Variants in OR51B5 observed in about 807,000 individuals in gnomAD.
OR51B5 encodes the protein olfactory receptor 51B5.
For missense variants in OR51B5, 456 were observed against 374.6 expected, an observed-to-expected ratio of 1.22 and a Z score of -1.79; for synonymous variants, 186 against 144.8, an observed-to-expected ratio of 1.28 and a Z score of -2.04.
chr11:5,386,594 A>G (rs1311862002), intron 1 of OR51B5, among the ~76,000 whole-genome samples: 1 of 152,108 alleles, frequency 6.6e-6, no homozygotes, highest in African/African-American at 2.4e-5. Context: ...TGAAGTACTG[A>G]AAACAGTGCA....
At chr11:5,488,413 G>A (rs757715857) in intron 1 of OR51B5, among the ~76,000 whole-genome samples, 4 of 152,104 alleles carry the variant, frequency 2.6e-5, no homozygotes, top group Non-Finnish European at 4.4e-5. Flanking sequence ...AGGATATGGA[G>A]GGAGATAAGT....
chr11:5,393,741 G>C (rs1335962946), intron 1 of OR51B5, among the ~76,000 whole-genome samples: 1 of 152,050 alleles, frequency 6.6e-6, no homozygotes, highest in Non-Finnish European at 1.5e-5. Context: ...CTGTGAAGTA[G>C]GGAGGTATTA....
At chr11:5,351,922 G>A in intron 1 of OR51B5, 1 of 1,613,178 alleles carries the variant, frequency 6.2e-7, no homozygotes, top group Non-Finnish European at 8.5e-7. Context: ...CAACACCCAG[G>A]TAATGAAGAT....
At chr11:5,374,816 A>G (rs554942172) in intron 1 of OR51B5, among the ~76,000 whole-genome samples, 1 of 152,276 alleles carries the variant, frequency 6.6e-6, no homozygotes, top group East Asian at 1.9e-4. Flanking sequence ...AAAGCCTCCA[A>G]GAAATATGGG....
chr11:5,356,156 C>A (rs1849191611), intron 1 of OR51B5, among the ~76,000 whole-genome samples: 2 of 152,138 alleles, frequency 1.3e-5, no homozygotes, highest in Non-Finnish European at 2.9e-5. Flanking sequence ...GAGAAGAAGG[C>A]TTCAGACGAT....
intron 1 of OR51B5, among the ~76,000 whole-genome samples, chr11:5,452,488 G>A (rs967545124): frequency 1.5e-4 from 15 of 103,200 alleles, no homozygotes; most frequent in African/African-American, 1.9e-4. Context: ...CTGGGCAAAA[G>A]AGAGAGACTC....
chr11:5,454,238 A>G (rs1460683646), intron 1 of OR51B5: 4 of 1,614,020 alleles, frequency 2.5e-6, no homozygotes, highest in Non-Finnish European at 3.4e-6. Context: ...CTGTACTTGC[A>G]TTTTATGTGC....
intron 1 of OR51B5, among the ~76,000 whole-genome samples, chr11:5,401,850 C>A (rs1849972724): frequency 1.8e-5 from 1 of 54,480 alleles, no homozygotes; most frequent in Non-Finnish European, 6.7e-5. Context: ...CCCTCTTTTT[C>A]TTCTGCTTTT....
intron 1 of OR51B5, chr11:5,453,956 T>C: frequency 6.2e-7 from 1 of 1,614,154 alleles, no homozygotes; most frequent in South Asian, 1.1e-5. Flanking sequence ...TCATCACCCT[T>C]TTCCCTCTTC....
chr11:5,358,495 T>A (rs1386928111), intron 1 of OR51B5, among the ~76,000 whole-genome samples: 1 of 152,200 alleles, frequency 6.6e-6, no homozygotes, highest in Non-Finnish European at 1.5e-5. Context: ...ATTGAGGCAA[T>A]AATTAATAGC....
chr11:5,453,407 C>T (rs1850887465), intron 1 of OR51B5: 1 of 999,084 alleles, frequency 1.0e-6, no homozygotes, highest in Non-Finnish European at 1.4e-6. Flanking sequence ...CTCCTGATTT[C>T]TTGTCCTCCA....
chr11:5,390,205 G>A (rs960188590), intron 1 of OR51B5: 2 of 1,613,984 alleles, frequency 1.2e-6, no homozygotes, highest in Non-Finnish European at 1.7e-6. Context: ...CCATGATGGG[G>A]CTGTCCCTGG....
At chr11:5,454,061 T>C in intron 1 of OR51B5, 1 of 1,614,188 alleles carries the variant, frequency 6.2e-7, no homozygotes, top group Non-Finnish European at 8.5e-7. Flanking sequence ...CCTGTGCTGA[T>C]ATCAGTATCA....
chr11:5,369,009 G>C (rs1210836282), intron 1 of OR51B5, among the ~76,000 whole-genome samples: 1 of 152,116 alleles, frequency 6.6e-6, no homozygotes, highest in African/African-American at 2.4e-5. Flanking sequence ...GGACAAGATA[G>C]TTTTTAGCCT....
upstream of OR51B5, among the ~76,000 whole-genome samples, chr11:5,347,768 G>A (rs993514391): frequency 3.3e-5 from 5 of 151,946 alleles, no homozygotes; most frequent in Non-Finnish European, 1.5e-5. Flanking sequence ...GAAGGAAGGA[G>A]GTAGGGAGAG....
chr11:5,401,147 T>C (rs954494321), intron 1 of OR51B5, among the ~76,000 whole-genome samples: 9 of 152,206 alleles, frequency 5.9e-5, no homozygotes, highest in Non-Finnish European at 1.2e-4. Flanking sequence ...TTTCCCTCTA[T>C]TGCCTTCCTC....
intron 1 of OR51B5, chr11:5,389,445 A>G (rs927668191): frequency 7.4e-6 from 12 of 1,613,810 alleles, no homozygotes; most frequent in Admixed American, 1.7e-5. Context: ...CTGCTATCCA[A>G]CATTACTCAG....
chr11:5,487,803 C>G (rs1001086532), intron 1 of OR51B5, among the ~76,000 whole-genome samples: 2 of 152,120 alleles, frequency 1.3e-5, no homozygotes, highest in African/African-American at 4.8e-5. Context: ...TATACGCTGG[C>G]TTTGTCATGG....
chr11:5,399,406 A>C (rs989892642), intron 1 of OR51B5, among the ~76,000 whole-genome samples: 2 of 152,238 alleles, frequency 1.3e-5, no homozygotes, highest in African/African-American at 4.8e-5. Flanking sequence ...GGCTCACATT[A>C]AATATTTAGA....
Sources: allele counts gnomAD v4.1 joint callset (sites outside exome capture counted in the v4.1 genomes callset), GRCh38; gene constraint gnomAD v4.1.1; transcripts MANE v1.5; gene names NCBI Gene and HGNC (gene_info 2026-07-23, HGNC 2026-07-21).